RRM1: variants seen among roughly 807,000 people sequenced by gnomAD.
The protein encoded by RRM1 is ribonucleoside-diphosphate reductase large subunit.
A neutral mutation model predicts 101.5 loss-of-function variants in RRM1; 19 were observed. That is an observed-to-expected ratio of 0.19 (90% CI 0.13 to 0.27). The LOEUF (loss-of-function observed/expected upper bound fraction) is 0.27, where lower values mean the gene tolerates loss of function less well. Among genes scored for constraint, RRM1 ranks in the 10% least tolerant of loss-of-function variants. The pLI is 1.00. For synonymous variants in RRM1, 298 were observed against 323.4 expected (o/e 0.92, Z 0.84); for missense variants, 500 against 962.9 (o/e 0.52, Z 6.36).
intron 13 of RRM1, 47 bp downstream of exon 13, chr11:4,126,880 T>A (rs969982763): frequency 6.6e-7 from 1 of 1,522,136 alleles, no homozygotes; most frequent in Admixed American, 1.9e-5. Context: ...AAATCCAAAT[T>A]GAAAGGAATC....
In RRM1 at chr11:4,118,620, A is replaced by C. The variant is rs77738880; in HGVS notation, c.792+159A>C. 5.3e-5 allele frequency among the ~76,000 whole-genome samples: 8 copies of C among 152,222 alleles called. No individual in the cohort carries two copies. In the East Asian group the frequency reaches 1.4e-3, roughly 26 times the overall value. ...AGTGAGTCATTTTACTTCTGGCTTC[A>C]TTTTCATCTATGATATTAGATATTT... On this transcript the variant is annotated intron_variant, in intron 8 of 18. Coordinates refer to ENST00000300738, the MANE Select transcript of RRM1 (RefSeq NM_001033.5).
intron 5 of RRM1, among the ~76,000 whole-genome samples, chr11:4,110,834 A>G (rs1289399504): frequency 6.6e-6 from 1 of 151,602 alleles, no homozygotes. Context: ...ATATACACTC[A>G]TTTAATCCGC....
intron 3 of RRM1, among the ~76,000 whole-genome samples, chr11:4,106,950 A>G (rs1312920484): frequency 2.0e-5 from 3 of 151,288 alleles, no homozygotes; most frequent in Admixed American, 6.6e-5. Flanking sequence ...CTGGAGTGCA[A>G]TGGTGTGATT....
chr11:4,130,971 A>C (rs947825326), intron 15 of RRM1, among the ~76,000 whole-genome samples: 1 of 152,154 alleles, frequency 6.6e-6, no homozygotes, highest in Non-Finnish European at 1.5e-5. Context: ...ACCACCCCCC[A>C]AAAAAAGTAA....
At chr11:4,112,158 C>T in intron 7 of RRM1, 96 bp downstream of exon 7, 1 of 851,468 alleles carries the variant, frequency 1.2e-6, no homozygotes, top group Non-Finnish European at 1.8e-6. Flanking sequence ...TTAGTAGCTG[C>T]CTGCTCTGAT....
chr11:4,114,463 T>C (rs1473799175), intron 7 of RRM1, among the ~76,000 whole-genome samples: 2 of 150,212 alleles, frequency 1.3e-5, no homozygotes, highest in African/African-American at 2.4e-5. Flanking sequence ...GGCAGGAGAA[T>C]TGCTTGAACC....
intron 3 of RRM1, 162 bp downstream of exon 3, chr11:4,106,385 G>A: frequency 1.6e-6 from 1 of 625,390 alleles, no homozygotes; most frequent in South Asian, 1.9e-5. Flanking sequence ...AATCGCTTGA[G>A]TCCAGGAGTT....
At chr11:4,133,240 G>A (rs2133323633) in intron 16 of RRM1, among the ~76,000 whole-genome samples, 1 of 152,148 alleles carries the variant, frequency 6.6e-6, no homozygotes, top group East Asian at 1.9e-4. Context: ...GCAGTGGCAT[G>A]ATCTTGGCTC....
chr11:4,133,727 C>A, intron 17 of RRM1, 69 bp downstream of exon 17: 1 of 860,076 alleles, frequency 1.2e-6, no homozygotes, highest in Non-Finnish European at 1.9e-6. Flanking sequence ...CTCACTCATG[C>A]TAGACAATGG....
At chr11:4,102,903 G>A (rs936609096) in intron 2 of RRM1, among the ~76,000 whole-genome samples, 2 of 152,064 alleles carry the variant, frequency 1.3e-5, no homozygotes, top group Admixed American at 6.6e-5. Flanking sequence ...GTTTTCTGTG[G>A]TCTCTGCAGT....
At chr11:4,096,972 T>C (rs1430746292) in intron 1 of RRM1, among the ~76,000 whole-genome samples, 1 of 144,588 alleles carries the variant, frequency 6.9e-6, no homozygotes, top group Non-Finnish European at 1.5e-5. Context: ...CTAAATACTT[T>C]CGTTTAAAAA....
At chr11:4,134,552 T>C (rs1294130537) in intron 17 of RRM1, among the ~76,000 whole-genome samples, 2 of 152,112 alleles carry the variant, frequency 1.3e-5, no homozygotes, top group East Asian at 3.8e-4. Flanking sequence ...TGACAGAAAC[T>C]GTAGCATTAG....
At chr11:4,107,358 T>C (rs954370056) in intron 3 of RRM1, 77 bp from the exon 4 acceptor site, 1 of 1,016,814 alleles carries the variant, frequency 9.8e-7, no homozygotes, top group African/African-American at 1.6e-5. Flanking sequence ...AGAACCACTG[T>C]TTTCAACTAT....
chr11:4,130,554 G>A (rs2094598374), intron 15 of RRM1, among the ~76,000 whole-genome samples: 1 of 152,076 alleles, frequency 6.6e-6, no homozygotes, highest in Non-Finnish European at 1.5e-5. Flanking sequence ...AAATTAGCTG[G>A]GCGTGGTGGT....
intron 5 of RRM1, 61 bp downstream of exon 5, chr11:4,109,764 G>C: frequency 7.1e-7 from 1 of 1,407,670 alleles, no homozygotes; most frequent in African/African-American, 1.4e-5. Context: ...AAAGGATTTT[G>C]TTTATGTTTT....
chr11:4,130,419 G>A (rs1004614940), intron 15 of RRM1, among the ~76,000 whole-genome samples: 2 of 151,974 alleles, frequency 1.3e-5, no homozygotes, highest in African/African-American at 4.8e-5. Flanking sequence ...TTCTGGGCTG[G>A]GCACCATGAC....
chr11:4,104,135 T>C (rs1241324343), intron 2 of RRM1, among the ~76,000 whole-genome samples: 2 of 151,998 alleles, frequency 1.3e-5, no homozygotes, highest in African/African-American at 4.8e-5. Context: ...AAAAACTGTG[T>C]GCTGTTAGAT....
At position 4,126,827 on chromosome 11, in the gene RRM1, A is replaced by C. The variant is rs2094590363; in HGVS notation, c.1464A>C (p.Val488=). ...NKIIDINYYP[V]PEACLSNKRH... is the part of the protein sequence containing the mutation. ...TTATTGATATAAACTACTATCCTGT[A>C]CCAGAGGTATGAATAGATTTCTCTG... Residue 488 remains valine, a synonymous_variant, in exon 13 of 19, where the codon GTA becomes GTC. Coordinates refer to ENST00000300738, the MANE Select transcript of RRM1 (RefSeq NM_001033.5). The C allele has an allele frequency of 2.5e-6, 4 of 1,608,224 alleles. No homozygotes were observed. In the African/African-American group the frequency reaches 5.3e-5, roughly 22 times the overall value.
chr11:4,136,439 C>T (rs989947615), intron 18 of RRM1, among the ~76,000 whole-genome samples: 1 of 152,102 alleles, frequency 6.6e-6, no homozygotes, highest in African/African-American at 2.4e-5. Flanking sequence ...AGGCTGGTCT[C>T]AAACTCCTGG....
Sources: allele counts gnomAD v4.1 joint callset (sites outside exome capture counted in the v4.1 genomes callset), GRCh38; gene constraint gnomAD v4.1.1; transcripts MANE v1.5; gene names NCBI Gene and HGNC (gene_info 2026-07-23, HGNC 2026-07-21).